UBE2W: variants seen among roughly 807,000 people sequenced by gnomAD.
The protein encoded by UBE2W is ubiquitin-conjugating enzyme E2 W.
Under a neutral mutation model 27.2 loss-of-function variants are expected in UBE2W, and 18 were observed. That is an observed-to-expected ratio of 0.66 (90% CI 0.46 to 0.98). UBE2W has a LOEUF of 0.98. UBE2W is among the 50% of genes least tolerant of loss of function. The pLI, the probability that UBE2W is intolerant of heterozygous loss-of-function variation, is 0.00. For missense variants in UBE2W, 90 were observed against 180.2 expected, an observed-to-expected ratio of 0.50 and a Z score of 2.87; for synonymous variants, 53 against 57.2, an observed-to-expected ratio of 0.93 and a Z score of 0.33.
chr8:73,841,629 A>C (rs1445536015), intron 1 of UBE2W, among the ~76,000 whole-genome samples: 1 of 152,234 alleles, frequency 6.6e-6, no homozygotes. Flanking sequence ...CACAAAGCCA[A>C]GGAAGAATAT....
chr8:73,856,446 C>T (rs1389419324), intron 1 of UBE2W, among the ~76,000 whole-genome samples: 1 of 141,546 alleles, frequency 7.1e-6, no homozygotes, highest in African/African-American at 2.6e-5. Context: ...CTCACTGCAA[C>T]CTCCACCTCT....
At position 73,789,063 on chromosome 8, in the gene UBE2W, C is replaced by G. The variant is rs2130833473; in HGVS notation, c.*5039G>C. 1.0e-6 allele frequency: 1 copy of G among 985,110 alleles called. No individual in the cohort carries two copies. The highest frequency in any genetic ancestry group is 4.7e-5 in the South Asian group (1 of 21,262). 61.0% of individuals were successfully genotyped at this position (985,110 alleles called of 1,614,324 possible). On this transcript the variant is annotated 3_prime_UTR_variant, in exon 6 of 6. Coordinates refer to ENST00000602593, the MANE Select transcript of UBE2W (RefSeq NM_018299.6). The stretch of plus-strand genomic sequence containing the variant: ...TGAAAATTAAAATTACAATTAACAT[C>G]TCACCAGGATCAAAGAACCCTAACT...
At chr8:73,869,324 G>A (rs948966348) in intron 1 of UBE2W, among the ~76,000 whole-genome samples, 10 of 152,092 alleles carry the variant, frequency 6.6e-5, no homozygotes, top group African/African-American at 1.4e-4. Context: ...TTGTGAGGCC[G>A]AGGCGGGCGG....
At chr8:73,833,350 AAAT>A (rs1810168419) in intron 1 of UBE2W, among the ~76,000 whole-genome samples, 2 of 151,750 alleles carry the variant, frequency 1.3e-5, no homozygotes, top group Admixed American at 1.3e-4. Context: ...AAAGAAAAGA[AAAT>A]ATTAATAAAA....
chr8:73,796,967 G>C (rs1406899184), intron 5 of UBE2W, among the ~76,000 whole-genome samples: 2 of 152,272 alleles, frequency 1.3e-5, no homozygotes, highest in Non-Finnish European at 2.9e-5. Flanking sequence ...GGTGGTAAAA[G>C]AATGGTATAT....
At chr8:73,829,384 A>G (rs1486647887) in intron 2 of UBE2W, among the ~76,000 whole-genome samples, 1 of 152,174 alleles carries the variant, frequency 6.6e-6, no homozygotes, top group African/African-American at 2.4e-5. Flanking sequence ...TATAATCTGC[A>G]TCAGGATGAA....
chr8:73,791,072 C>T lies in UBE2W; in HGVS notation c.*3030G>A. ...CTGACTATATAGAAGCTATTTCCAG[C>T]ACTTTCTTCTGGGGATTAAAAATGA... On this transcript the variant is annotated 3_prime_UTR_variant, in exon 6 of 6. Coordinates refer to ENST00000602593, the MANE Select transcript of UBE2W (RefSeq NM_018299.6). 2.0e-6 allele frequency: 2 copies of T among 984,976 alleles called. No homozygotes were observed. The highest frequency in any genetic ancestry group is 2.4e-6 in the Non-Finnish European group (2 of 829,606). 61.0% of individuals were successfully genotyped at this position (984,976 alleles called of 1,614,324 possible). A position where few individuals can be genotyped will look rare whatever the true frequency, so the allele number is the denominator to read the frequency against.
At chr8:73,809,423 G>C (rs142633285) in intron 4 of UBE2W, among the ~76,000 whole-genome samples, 2,340 of 152,088 alleles carry the variant, frequency 0.015, 38 homozygotes, top group Non-Finnish European at 0.025. Context: ...GAATGCAAAA[G>C]GAAAACCCTC....
intron 1 of UBE2W, among the ~76,000 whole-genome samples, chr8:73,861,271 G>A (rs909713005): frequency 4.6e-5 from 7 of 152,088 alleles, no homozygotes; most frequent in East Asian, 1.9e-4. Flanking sequence ...AGGGGCCAGC[G>A]TCAAACAACT....
At chr8:73,817,477 G>A (rs1198619050) in intron 3 of UBE2W, among the ~76,000 whole-genome samples, 1 of 152,172 alleles carries the variant, frequency 6.6e-6, no homozygotes, top group Non-Finnish European at 1.5e-5. Flanking sequence ...GAAAGGAAAA[G>A]TAGTAATAGA....
At chr8:73,846,954 C>G (rs975864926) in intron 1 of UBE2W, among the ~76,000 whole-genome samples, 5 of 152,132 alleles carry the variant, frequency 3.3e-5, no homozygotes, top group African/African-American at 1.2e-4. Flanking sequence ...GGGTGGATCA[C>G]GAAGTCTCAG....
intron 5 of UBE2W, among the ~76,000 whole-genome samples, chr8:73,797,850 G>A (rs1461702659): frequency 1.3e-5 from 2 of 152,146 alleles, no homozygotes; most frequent in Non-Finnish European, 2.9e-5. Flanking sequence ...ACAAACAGGA[G>A]CCTTAAGTTA....
rs368388136 is a variant in UBE2W at position 73,840,850 on chromosome 8, A to T, written c.16-10378T>A. Among the ~76,000 whole-genome samples the T allele has an allele frequency of 1.2e-4, 19 of 152,324 alleles. 1 individual carries two copies. The East Asian group carries it at 3.7e-3, about 29-fold the overall frequency. On this transcript the variant is annotated intron_variant, in intron 1 of 5. Coordinates refer to ENST00000602593, the MANE Select transcript of UBE2W (RefSeq NM_018299.6). ...TCAAGGCTCTACTGTACTATATGAT[A>T]TATTAAAATATGAAGAAAAATAAAG... is the stretch of plus-strand genomic sequence containing the variant.
At chr8:73,797,740 T>C (rs1196561373) in intron 5 of UBE2W, among the ~76,000 whole-genome samples, 2 of 152,344 alleles carry the variant, frequency 1.3e-5, no homozygotes, top group East Asian at 3.9e-4. Flanking sequence ...GATATTCCTC[T>C]ACACCTTCCC....
intron 1 of UBE2W, among the ~76,000 whole-genome samples, chr8:73,854,215 T>G (rs1346895231): frequency 6.6e-6 from 1 of 151,978 alleles, no homozygotes; most frequent in Non-Finnish European, 1.5e-5. Context: ...TCTTAAAAAT[T>G]TATACTAAAG....
rs1202452183 is a variant in UBE2W at position 73,786,814 on chromosome 8, G to A, written c.*7288C>T. The A allele has an allele frequency of 1.0e-6, 1 of 985,234 alleles. No homozygotes were observed. Among genetic ancestry groups the A allele is most frequent in the Non-Finnish European group, 1.2e-6 (1 of 829,912 alleles). The allele number at this position is 985,234 out of a possible 1,614,324, so 61.0% of individuals were successfully genotyped here. On this transcript the variant is annotated 3_prime_UTR_variant, in exon 6 of 6. Transcript: ENST00000602593. Reference sequence around the variant, plus strand: ...ACTCAACAGGACTTGAAAAATGCAAGGAGAGGACTACTGAGTATCATTGCT... The same window carrying A: ...ACTCAACAGGACTTGAAAAATGCAAAGAGAGGACTACTGAGTATCATTGCT...
intron 1 of UBE2W, among the ~76,000 whole-genome samples, chr8:73,845,150 C>T (rs1020995440): frequency 2.0e-5 from 3 of 152,000 alleles, no homozygotes; most frequent in African/African-American, 4.8e-5. Flanking sequence ...CGCCTCTGCC[C>T]GGCCGCCCTG....
At chr8:73,807,362 G>A (rs1323350727) in intron 4 of UBE2W, among the ~76,000 whole-genome samples, 1 of 152,212 alleles carries the variant, frequency 6.6e-6, no homozygotes, top group African/African-American at 2.4e-5. Flanking sequence ...AGTCTAACCA[G>A]AAAGCAATCG....
chr8:73,844,871 G>T (rs1246998146), intron 1 of UBE2W, among the ~76,000 whole-genome samples: 1 of 147,982 alleles, frequency 6.8e-6, no homozygotes, highest in African/African-American at 2.5e-5. Context: ...CGTCTCCGAC[G>T]GGCCACCCCG....
Sources: gnomAD v4.1 joint callset for allele counts (sites outside exome capture counted in the v4.1 genomes callset) on GRCh38, gnomAD v4.1.1 for gene constraint, MANE v1.5 for transcripts, NCBI Gene and HGNC (gene_info 2026-07-23, HGNC 2026-07-21) for gene names.